The following PRKCA variants were observed in gnomAD, a reference collection of about 807,000 sequenced individuals.
The protein encoded by PRKCA is protein kinase C alpha type.
Under a neutral mutation model 87.0 loss-of-function variants are expected in PRKCA, and 27 were observed. The ratio of observed to expected loss-of-function variants is 0.31; its 90% CI spans 0.23 to 0.43. The LOEUF (loss-of-function observed/expected upper bound fraction) is 0.43, where lower values mean the gene tolerates loss of function less well. Ranked by LOEUF, PRKCA falls within the 20% of genes least tolerant of loss-of-function variation. PRKCA has a pLI of 1.00. For synonymous variants in PRKCA, 329 were observed against 311.1 expected, an observed-to-expected ratio of 1.06 and a Z score of -0.61; for missense variants, 518 against 852.3, an observed-to-expected ratio of 0.61 and a Z score of 4.88.
intron 3 of PRKCA, among the ~76,000 whole-genome samples, chr17:66,604,498 C>T (rs1970154023): frequency 6.6e-6 from 1 of 152,178 alleles, no homozygotes; most frequent in Admixed American, 6.5e-5. Flanking sequence ...AAACCAAGTG[C>T]TGGATGAAAT....
chr17:66,522,208 G>C (rs1001432733), intron 3 of PRKCA, among the ~76,000 whole-genome samples: 2 of 152,228 alleles, frequency 1.3e-5, no homozygotes, highest in African/African-American at 4.8e-5. Context: ...CCCCTGGGGA[G>C]AGCTGGTGGA....
chr17:66,796,545 A>G (rs1286839864), intron 16 of PRKCA: 2 of 985,072 alleles, frequency 2.0e-6, no homozygotes, highest in East Asian at 1.1e-4. Context: ...AACTAACCCC[A>G]CTTTATAACC....
chr17:66,542,873 G>A (rs1008789807), intron 3 of PRKCA, among the ~76,000 whole-genome samples: 8 of 152,024 alleles, frequency 5.3e-5, no homozygotes, highest in African/African-American at 7.3e-5. Flanking sequence ...TTGGAACGAG[G>A]GTAACATTTT....
At chr17:66,556,281 G>C (rs568429318) in intron 3 of PRKCA, among the ~76,000 whole-genome samples, 1 of 146,828 alleles carries the variant, frequency 6.8e-6, no homozygotes, top group East Asian at 2.1e-4. Flanking sequence ...AAACAAATGA[G>C]TTAACCTCCT....
At chr17:66,454,596 G>A (rs1271219157) in intron 2 of PRKCA, among the ~76,000 whole-genome samples, 1 of 152,184 alleles carries the variant, frequency 6.6e-6, no homozygotes, top group Non-Finnish European at 1.5e-5. Context: ...AATCATGGCG[G>A]AAGGTGAAAG....
At chr17:66,420,298 C>T (rs984160649) in intron 2 of PRKCA, among the ~76,000 whole-genome samples, 4 of 152,046 alleles carry the variant, frequency 2.6e-5, no homozygotes, top group Admixed American at 6.5e-5. Flanking sequence ...CGTGAACCAC[C>T]ACACCTGGCC....
intron 2 of PRKCA, 88 bp downstream of exon 2, chr17:66,306,215 C>A: frequency 7.3e-7 from 1 of 1,367,798 alleles, no homozygotes. Flanking sequence ...TATTTTCTTT[C>A]CAATAAAAAA....
At chr17:66,691,106 A>G (rs1296785059) in intron 8 of PRKCA, among the ~76,000 whole-genome samples, 1 of 152,118 alleles carries the variant, frequency 6.6e-6, no homozygotes, top group Non-Finnish European at 1.5e-5. Flanking sequence ...ACGCCAGTGC[A>G]CTCCAGCCTG....
chr17:66,497,335 TA>T (rs1466368717), intron 3 of PRKCA, among the ~76,000 whole-genome samples: 2 of 152,032 alleles, frequency 1.3e-5, no homozygotes, highest in Non-Finnish European at 2.9e-5. Flanking sequence ...CTGTCTCTAC[TA>T]AAAATACAAA....
chr17:66,329,799 G>A (rs1173335479), intron 2 of PRKCA, among the ~76,000 whole-genome samples: 1 of 152,124 alleles, frequency 6.6e-6, no homozygotes, highest in Non-Finnish European at 1.5e-5. Context: ...TCCCTGGAGA[G>A]TTACCAAGGA....
chr17:66,501,665 C>G (rs76483122), intron 3 of PRKCA, among the ~76,000 whole-genome samples: 3,515 of 152,282 alleles, frequency 0.023, 132 homozygotes, highest in African/African-American at 0.08. Context: ...TAGAATGCAG[C>G]TTGGGGCTCT....
chr17:66,622,905 CAT>C (rs781144554), intron 3 of PRKCA, among the ~76,000 whole-genome samples: 5 of 152,252 alleles, frequency 3.3e-5, no homozygotes, highest in Non-Finnish European at 5.9e-5. Flanking sequence ...CCTCCCACGA[CAT>C]GTGGGAATTA....
chr17:66,731,807 CAG>C (rs1973902674), intron 8 of PRKCA, among the ~76,000 whole-genome samples: 1 of 100,304 alleles, frequency 1.0e-5, no homozygotes, highest in Non-Finnish European at 1.8e-5. Flanking sequence ...TTTTTTGAGA[CAG>C]AGTCTTGCTC....
At chr17:66,378,733 TCTA>T (rs768050831) in intron 2 of PRKCA, among the ~76,000 whole-genome samples, 9 of 152,170 alleles carry the variant, frequency 5.9e-5, no homozygotes, top group Admixed American at 3.3e-4. Context: ...AAACCCGGTC[TCTA>T]CTAAAAATAC....
chr17:66,517,744 G>A (rs1967013880), intron 3 of PRKCA, among the ~76,000 whole-genome samples: 1 of 152,130 alleles, frequency 6.6e-6, no homozygotes, highest in Non-Finnish European at 1.5e-5. Flanking sequence ...TTAACACCAA[G>A]TTCTTGGCGC....
At chr17:66,787,881 C>T (rs1300442109) in intron 15 of PRKCA, among the ~76,000 whole-genome samples, 1 of 152,152 alleles carries the variant, frequency 6.6e-6, no homozygotes, top group Non-Finnish European at 1.5e-5. Context: ...CATAGTTCCT[C>T]CTGTCATATT....
intron 13 of PRKCA, 54 bp downstream of exon 13, chr17:66,742,814 G>A: frequency 6.3e-7 from 1 of 1,589,912 alleles, no homozygotes; most frequent in Admixed American, 1.7e-5. Flanking sequence ...TGTAAACGCA[G>A]CCCTCTCATG....
At chr17:66,510,421 T>C (rs1396502709) in intron 3 of PRKCA, among the ~76,000 whole-genome samples, 3 of 152,158 alleles carry the variant, frequency 2.0e-5, no homozygotes, top group Non-Finnish European at 4.4e-5. Flanking sequence ...TAAATGTTGG[T>C]AGGAAAAACT....
intron 8 of PRKCA, among the ~76,000 whole-genome samples, chr17:66,691,098 G>A (rs9916873): frequency 0.15 from 23,032 of 151,726 alleles, 1,854 homozygotes; most frequent in East Asian, 0.27. Context: ...CCAAGATCAC[G>A]CCAGTGCACT....
Sources: allele counts gnomAD v4.1 joint callset (sites outside exome capture counted in the v4.1 genomes callset), GRCh38; gene constraint gnomAD v4.1.1; transcripts MANE v1.5; gene names NCBI Gene and HGNC (gene_info 2026-07-23, HGNC 2026-07-21).